PSG11: variants seen among roughly 807,000 people sequenced by gnomAD.
PSG11 encodes the protein pregnancy specific beta-1-glycoprotein 11, also known as pregnancy-specific beta-1-glycoprotein 11.
In PSG11, 42 loss-of-function variants were observed where a neutral mutation model predicts 36.0. That is an observed-to-expected ratio of 1.17 (90% CI 0.91 to 1.51). PSG11 has a LOEUF of 1.51. Among genes scored for constraint, PSG11 ranks in the 40% most tolerant of loss-of-function variants. The pLI, the probability that PSG11 is intolerant of heterozygous loss-of-function variation, is 0.00. For missense variants in PSG11, 558 were observed against 403.5 expected (o/e 1.38, Z -3.28); for synonymous variants, 206 against 153.5 (o/e 1.34, Z -2.53).
intron 4 of PSG11, among the ~76,000 whole-genome samples, chr19:43,012,303 AT>A (rs1241753638): frequency 5.3e-5 from 8 of 151,456 alleles, no homozygotes; most frequent in African/African-American, 1.9e-4. Context: ...AGTCAAAAAA[AT>A]TAGGCAAGAA....
chr19:43,008,691 T>C (rs912971407), intron 5 of PSG11, among the ~76,000 whole-genome samples: 1 of 151,406 alleles, frequency 6.6e-6, no homozygotes, highest in East Asian at 1.9e-4. Flanking sequence ...TAAGGTGGCT[T>C]TTCCATTCAG....
rs1425686098 is a variant in PSG11 at position 43,012,980 on chromosome 19, A to G, written c.964+2136T>C. 1.3e-5 allele frequency among the ~76,000 whole-genome samples: 2 copies of G among 151,436 alleles called. 1 individual carries two copies. The highest frequency in any genetic ancestry group is 2.9e-5 in the Non-Finnish European group (2 of 67,912). ...ATAGCCCAGAAAGAAATGCTTGCAT[A>G]TATGGCCAAATGATTTTCATCGAGT... is the stretch of plus-strand genomic sequence containing the variant. On this transcript the variant is annotated intron_variant, in intron 4 of 5. Coordinates refer to ENST00000320078, the MANE Select transcript of PSG11 (RefSeq NM_002785.3).
At chr19:43,015,444 A>G in intron 3 of PSG11, 74 bp from the exon 4 acceptor site, 1 of 1,508,744 alleles carries the variant, frequency 6.6e-7, no homozygotes, top group Non-Finnish European at 9.0e-7. Flanking sequence ...TTAAAGGGAC[A>G]CAGTGACCCT....
At chr19:43,026,238 CCTCTCCAGGAGA>C (rs1330657362) in intron 1 of PSG11, 59 bp downstream of exon 1, 1 of 1,591,480 alleles carries the variant, frequency 6.3e-7, no homozygotes, top group Non-Finnish European at 8.6e-7. Flanking sequence ...ACCCCAGGAG[CCTCTCCAGGAGA>C]CCCCATCCAG....
chr19:43,010,847 G>A (rs1172610767), intron 4 of PSG11: 1 of 149,272 alleles, frequency 6.7e-6, no homozygotes, highest in East Asian at 2.0e-4. Flanking sequence ...CCCACAAGTA[G>A]TCAGTAGCCT....
Position 43,024,909 on chromosome 19 carries a change from T to A in PSG11, c.212A>T (p.Gln71Leu). 1.2e-6 allele frequency: 2 copies of A among 1,611,896 alleles called. No homozygotes were observed. Among genetic ancestry groups the A allele is most frequent in the Non-Finnish European group, 8.5e-7 (1 of 1,179,092 alleles). The change falls in exon 2 of 6, where the codon CAA becomes CTA. Residue 71 changes from glutamine to leucine, a missense_variant. Gln to Leu is a moderately radical substitution (Grantham distance 113). Coordinates refer to ENST00000320078, the MANE Select transcript of PSG11 (RefSeq NM_002785.3). ...NLTGYIWYKG[Q>L]IRDLYHYITS... Reference sequence around the variant, plus strand: ...AATGTAATGGTAGAGGTCCCTGATTTGCCCTTTGTACCAGATGTAGCCAGT... The same window carrying A: ...AATGTAATGGTAGAGGTCCCTGATTAGCCCTTTGTACCAGATGTAGCCAGT...
At chr19:43,014,990 G>A (rs1199465469) in intron 4 of PSG11, 126 bp downstream of exon 4, 2 of 1,579,096 alleles carry the variant, frequency 1.3e-6, no homozygotes, top group Middle Eastern at 2.2e-4. Context: ...TTCAGGAGGA[G>A]AATTTGGGAT....
At chr19:43,009,012 T>C (rs1319402229) in intron 5 of PSG11, among the ~76,000 whole-genome samples, 1 of 151,088 alleles carries the variant, frequency 6.6e-6, no homozygotes, top group Non-Finnish European at 1.5e-5. Context: ...TTCCAATGTG[T>C]AGCTCTATTT....
intron 4 of PSG11, chr19:43,010,355 G>T: frequency 6.5e-7 from 1 of 1,532,694 alleles, no homozygotes; most frequent in Non-Finnish European, 8.7e-7. Flanking sequence ...CCTTTTCATG[G>T]TTGCATCTTT....
chr19:43,019,287 T>G, intron 2 of PSG11: 1 of 890,116 alleles, frequency 1.1e-6, no homozygotes, highest in East Asian at 3.0e-5. Flanking sequence ...GCAGCAGCAT[T>G]GGGTCATGGA....
intron 5 of PSG11, among the ~76,000 whole-genome samples, chr19:43,008,574 C>G (rs1357124546): frequency 1.3e-5 from 2 of 151,220 alleles, no homozygotes; most frequent in Admixed American, 6.6e-5. Flanking sequence ...TCGCACCCAG[C>G]CTAGAATACT....
intron 2 of PSG11, chr19:43,019,257 C>G: frequency 8.9e-7 from 1 of 1,129,028 alleles, no homozygotes; most frequent in Non-Finnish European, 1.2e-6. Context: ...GAAGCACAGA[C>G]TTTCTCAGGT....
chr19:43,022,126 A>G (rs918336615), intron 2 of PSG11, among the ~76,000 whole-genome samples: 1 of 151,544 alleles, frequency 6.6e-6, no homozygotes, highest in Non-Finnish European at 1.5e-5. Context: ...TGAGATTTAG[A>G]TTATAAGAGG....
intron 2 of PSG11, 84 bp from the exon 3 acceptor site, chr19:43,019,132 C>G: frequency 1.3e-6 from 2 of 1,558,722 alleles, no homozygotes; most frequent in Non-Finnish European, 1.7e-6. Context: ...TTGGCATTTG[C>G]CACCTCTCAG....
At chr19:43,019,407 A>G (rs1190932612) in intron 2 of PSG11, 2 of 269,388 alleles carry the variant, frequency 7.4e-6, no homozygotes, top group South Asian at 7.8e-5. Flanking sequence ...CAGTGCTGGA[A>G]TCTTCTTAGT....
intron 4 of PSG11, 102 bp from the exon 5 acceptor site, chr19:43,010,143 C>A (rs1386655174): frequency 2.7e-6 from 4 of 1,490,734 alleles, no homozygotes; most frequent in African/African-American, 2.8e-5. Flanking sequence ...ATAATTGTTT[C>A]TTCAAGGACT....
chr19:43,024,677 G>A lies in PSG11; in HGVS notation c.430+14C>T. On this transcript the variant is annotated intron_variant, in intron 2 of 5. Transcript: ENST00000320078. ...CTGTCCCCCAACACCCAGGGATCAT[G>A]TGGAATCACTTACGGTATAAGGTGA... 1 of 1,609,862 alleles carries A rather than the reference G, an allele frequency of 6.2e-7. No individual in the cohort carries two copies. The highest frequency in any genetic ancestry group is 8.5e-7 in the Non-Finnish European group (1 of 1,178,024).
chr19:43,010,192 ATTC>A, intron 4 of PSG11, 151 bp from the exon 5 acceptor site: 1 of 1,454,566 alleles, frequency 6.9e-7, no homozygotes, highest in South Asian at 1.5e-5. Flanking sequence ...AGATGATTAT[ATTC>A]TTGCAGTTTT....
intron 2 of PSG11, among the ~76,000 whole-genome samples, chr19:43,021,008 C>T (rs531991598): frequency 1.3e-4 from 20 of 151,326 alleles, no homozygotes; most frequent in East Asian, 7.8e-4. Context: ...CTTATGAAAA[C>T]GGCATCATCA....
Sources: gnomAD v4.1 joint callset for allele counts (sites outside exome capture counted in the v4.1 genomes callset) on GRCh38, gnomAD v4.1.1 for gene constraint, MANE v1.5 for transcripts, NCBI Gene and HGNC (gene_info 2026-07-23, HGNC 2026-07-21) for gene names.